ZNF653: variants seen among roughly 807,000 people sequenced by gnomAD.
ZNF653 encodes 67 kDa zinc finger protein.
In ZNF653, 37 loss-of-function variants were observed where a neutral mutation model predicts 59.9. That is an observed-to-expected ratio of 0.62 (90% CI 0.48 to 0.81). ZNF653 has a LOEUF of 0.81. Among genes scored for constraint, ZNF653 ranks in the 40% least tolerant of loss-of-function variants. ZNF653 has a pLI of 0.00. For missense variants in ZNF653, 808 were observed against 881.1 expected (o/e 0.92, Z 1.05); for synonymous variants, 435 against 371.8 (o/e 1.17, Z -1.96).
rs370141137 is a variant in ZNF653 at position 11,486,977 on chromosome 19, C to T, written c.1343+10G>A. 1.1e-3 allele frequency: 1,730 copies of T among 1,612,968 alleles called. 2 individuals are homozygous for T. The highest frequency in any genetic ancestry group is 1.6e-3 in the East Asian group (72 of 44,892). ...CCCTCGCCCTCACCCTTGCCCGCCC[C>T]GGCACCCACTTCTCAGGCTCCTTGG... On this transcript the variant is annotated intron_variant, in intron 5 of 8. Coordinates refer to ENST00000293771, the MANE Select transcript of ZNF653 (RefSeq NM_138783.4).
chr19:11,504,562 T>TG, intron 1 of ZNF653: 6 of 985,422 alleles, frequency 6.1e-6, no homozygotes, highest in Non-Finnish European at 7.2e-6. Flanking sequence ...CCTGCTGTCC[T>TG]GGGAAAGGGG....
chr19:11,483,852 T>C lies in ZNF653; in HGVS notation c.1678A>G (p.Ile560Val). The change falls in exon 9 of 9, where the codon ATC (isoleucine) becomes GTC (valine). Residue 560 changes from isoleucine (I) to valine (V), a missense_variant. Transcript: ENST00000293771. ...CGCTGCCGGCACTGGTAGCCACAGA[T>C]CTCGCACCTGCCGGGAGCCCGTGGC... The part of the protein sequence containing the change: ...HTGETPLQCE[I>V]CGYQCRQRAS... The C allele has an allele frequency of 6.4e-7, 1 of 1,558,842 alleles. No individual in the cohort carries two copies. The highest frequency in any genetic ancestry group is 8.7e-7 in the Non-Finnish European group (1 of 1,152,958).
Position 11,505,728 on chromosome 19 carries a change from C to T in ZNF653, c.59G>A (p.Gly20Glu). 1 of 1,458,430 alleles carries T rather than the reference C, an allele frequency of 6.9e-7. No homozygotes were observed. 90.3% of individuals were successfully genotyped at this position (1,458,430 alleles called of 1,614,324 possible). A position where few individuals can be genotyped will look rare whatever the true frequency, so the allele number is the denominator to read the frequency against. The change falls in exon 1 of 9, where the codon GGG (glycine) becomes GAG (glutamate). Residue 20 changes from glycine to glutamate, a missense_variant. By Grantham distance (98) the Gly-to-Glu change is moderately conservative. Coordinates refer to ENST00000293771, the MANE Select transcript of ZNF653 (RefSeq NM_138783.4). ...AEAEAEAGAG[G>E]EAAAEEGAAG... ...TGCGCCCTCCTCGGCTGCTGCCTCCCCGCCCGCGCCCGCCTCAGCCTCCGC... is the reference window on the plus strand; with the variant it reads ...TGCGCCCTCCTCGGCTGCTGCCTCCTCGCCCGCGCCCGCCTCAGCCTCCGC...
chr19:11,488,154 T>C (rs1971491738), intron 3 of ZNF653, among the ~76,000 whole-genome samples: 1 of 146,104 alleles, frequency 6.8e-6, no homozygotes, highest in Non-Finnish European at 1.5e-5. Flanking sequence ...CACCTGGCTT[T>C]TTTTTTTTTT....
At chr19:11,489,070 G>A (rs1157874086) in intron 3 of ZNF653, among the ~76,000 whole-genome samples, 1 of 147,502 alleles carries the variant, frequency 6.8e-6, no homozygotes, top group South Asian at 2.1e-4. Context: ...TGGCTAATTT[G>A]TGTGTTTTTA....
chr19:11,505,262 G>T (rs1431453847), intron 1 of ZNF653: 2 of 463,838 alleles, frequency 4.3e-6, no homozygotes, highest in Admixed American at 9.0e-5. Context: ...AAGGCGGGTC[G>T]AGGGGCTGGG....
chr19:11,489,110 G>T (rs1971503936), intron 3 of ZNF653, among the ~76,000 whole-genome samples: 1 of 151,806 alleles, frequency 6.6e-6, no homozygotes, highest in African/African-American at 2.4e-5. Flanking sequence ...ATGTTGGCCA[G>T]GCTAGCCTCA....
chr19:11,488,298 T>G (rs1423343074), intron 3 of ZNF653, among the ~76,000 whole-genome samples: 1 of 150,388 alleles, frequency 6.6e-6, no homozygotes, highest in Non-Finnish European at 1.5e-5. Context: ...TACAGGCATG[T>G]GCCGCCATGC....
At chr19:11,499,611 TAAA>T (rs764982889) in intron 1 of ZNF653, among the ~76,000 whole-genome samples, 5 of 113,016 alleles carry the variant, frequency 4.4e-5, no homozygotes, top group Admixed American at 9.1e-5. Flanking sequence ...TTTATACAAT[TAAA>T]AAAAAAAAAA....
In ZNF653 at chr19:11,494,332, C is replaced by CAT. The variant is rs1181244966; in HGVS notation, c.559+1616_559+1617dup. ...GACAGAATCTGTCTCAAAAAGATAA[C>CAT]ATAACATAACATAACATAACATAAC... On this transcript the variant is annotated intron_variant, in intron 3 of 8. Transcript: ENST00000293771. Among the ~76,000 whole-genome samples, 166 of 68,404 alleles carry CAT rather than the reference C, an allele frequency of 2.4e-3. 1 individual carries two copies. The highest frequency in any genetic ancestry group is 0.012 in the African/African-American group (150 of 12,928). 44.9% of individuals were successfully genotyped at this position (68,404 alleles called of 152,430 possible).
In ZNF653 at chr19:11,505,707, CCCTCCTCGGCTGCTG is replaced by C; in HGVS notation, c.65_79del (p.Ala22_Glu26del). ...GCCCCGCGCCTTTCGGCCCGCTGCG[CCCTCCTCGGCTGCTG>C]CCTCCCCGCCCGCGCCCGCCTCAGC... On this transcript the variant is annotated inframe_deletion, in exon 1 of 9. Coordinates refer to ENST00000293771, the MANE Select transcript of ZNF653 (RefSeq NM_138783.4). The C allele has an allele frequency of 6.8e-7, 1 of 1,479,030 alleles. No homozygotes were observed. The highest frequency in any genetic ancestry group is 8.9e-7 in the Non-Finnish European group (1 of 1,124,200). The allele number at this position is 1,479,030 out of a possible 1,614,324, so 91.6% of individuals were successfully genotyped here.
At chr19:11,501,983 C>A (rs539398745) in intron 1 of ZNF653, among the ~76,000 whole-genome samples, 1 of 151,700 alleles carries the variant, frequency 6.6e-6, no homozygotes, top group African/African-American at 2.4e-5. Flanking sequence ...TTAGTAGAGA[C>A]GGGGTTTCAA....
chr19:11,485,425 T>C (rs187006071), intron 7 of ZNF653, among the ~76,000 whole-genome samples: 6 of 152,228 alleles, frequency 3.9e-5, no homozygotes, highest in Admixed American at 3.3e-4. Context: ...GTCGCGGGGA[T>C]AGGAGGGAAG....
chr19:11,503,015 C>A (rs1227299388), intron 1 of ZNF653, among the ~76,000 whole-genome samples: 1 of 147,988 alleles, frequency 6.8e-6, no homozygotes, highest in Non-Finnish European at 1.5e-5. Context: ...GCCTGGGTAA[C>A]AGAGCAAGAC....
chr19:11,489,956 C>T (rs1971513111), intron 3 of ZNF653, among the ~76,000 whole-genome samples: 1 of 152,194 alleles, frequency 6.6e-6, no homozygotes, highest in Admixed American at 6.6e-5. Context: ...CTCCGATTCT[C>T]GATGCCAACT....
At position 11,505,700 on chromosome 19, in the gene ZNF653, C is replaced by A; in HGVS notation, c.87G>T (p.Ala29=). The change falls in exon 1 of 9, where the codon GCG becomes GCT. Residue 29 remains alanine (A), a synonymous_variant. Coordinates refer to ENST00000293771, the MANE Select transcript of ZNF653 (RefSeq NM_138783.4). ...GGEAAAEEGA[A]GRKARGRPRL... ...GCGGCCGGCCCCGCGCCTTTCGGCCCGCTGCGCCCTCCTCGGCTGCTGCCT... is the reference window on the plus strand; with the variant it reads ...GCGGCCGGCCCCGCGCCTTTCGGCCAGCTGCGCCCTCCTCGGCTGCTGCCT... 6.7e-7 allele frequency: 1 copy of A among 1,485,404 alleles called. No individual in the cohort carries two copies. Among genetic ancestry groups the A allele is most frequent in the East Asian group, 2.9e-5 (1 of 34,996 alleles). 92.0% of individuals were successfully genotyped at this position (1,485,404 alleles called of 1,614,324 possible).
Position 11,487,998 on chromosome 19 carries a change from A to ATTTATTTATTTATTTTTTTT in ZNF653, c.560-96_560-95insAAAAAAAATAAATAAATAAA. ...TTTTATTTTATTTATTTATTTATTT[A>ATTTATTTATTTATTTTTTTT]TTTTTTTGAGACAGAGTCTCACTCT... is the stretch of plus-strand genomic sequence containing the variant. On this transcript the variant is annotated intron_variant, in intron 3 of 8. Transcript: ENST00000293771. This position sits in a 1 kb window ranked among gnomAD's most constrained non-coding sequence, Gnocchi z 5.1. 2 of 1,125,652 alleles carry ATTTATTTATTTATTTTTTTT rather than the reference A, an allele frequency of 1.8e-6. No individual in the cohort carries two copies. The highest frequency in any genetic ancestry group is 3.6e-5 in the African/African-American group (2 of 56,146). The allele number at this position is 1,125,652 out of a possible 1,614,324, so 69.7% of individuals were successfully genotyped here. A position where few individuals can be genotyped will look rare whatever the true frequency, so the allele number is the denominator to read the frequency against.
At position 11,487,620 on chromosome 19, in the gene ZNF653, C is replaced by T. The variant is rs769491346; in HGVS notation, c.843G>A (p.Val281=). The change falls in exon 4 of 9, where the codon GTG becomes GTA. Residue 281 remains valine, a synonymous_variant. Transcript: ENST00000293771. This position sits in a 1 kb window ranked among gnomAD's most constrained non-coding sequence, Gnocchi z 5.1. ...EALETVVCVP[V]PVQVGAGPSA... ...TGGGGCCCGCACCCACTTGCACAGGCACCGGCACGCACACCACTGTCTCCA... is the reference window on the plus strand; with the variant it reads ...TGGGGCCCGCACCCACTTGCACAGGTACCGGCACGCACACCACTGTCTCCA... 2 of 1,613,750 alleles carry T rather than the reference C, an allele frequency of 1.2e-6. No homozygotes were observed. Among genetic ancestry groups the T allele is most frequent in the Non-Finnish European group, 1.7e-6 (2 of 1,179,974 alleles).
At chr19:11,486,068 A>G (rs985190189) in intron 6 of ZNF653, among the ~76,000 whole-genome samples, 1 of 152,154 alleles carries the variant, frequency 6.6e-6, no homozygotes, top group East Asian at 1.9e-4. Context: ...CTCCTGCCAC[A>G]GCCTCCTGAG....
Sources: allele counts gnomAD v4.1 joint callset (sites outside exome capture counted in the v4.1 genomes callset), GRCh38; gene constraint gnomAD v4.1.1; non-coding constraint Gnocchi (gnomAD v3.1); transcripts MANE v1.5; gene names NCBI Gene and HGNC (gene_info 2026-07-23, HGNC 2026-07-21).